SLX4IP: variants seen among roughly 807,000 people sequenced by gnomAD.
SLX4IP encodes the protein SLX4 interacting protein.
A neutral mutation model predicts 32.9 loss-of-function variants in SLX4IP; 34 were observed. The ratio of observed to expected loss-of-function variants is 1.03; its 90% CI spans 0.79 to 1.38. SLX4IP has a LOEUF of 1.38. SLX4IP is among the 40% of genes most tolerant of loss of function. SLX4IP has a pLI of 0.00. For synonymous variants in SLX4IP, 172 were observed against 171.7 expected, an observed-to-expected ratio of 1.00 and a Z score of -0.01; for missense variants, 444 against 479.0, an observed-to-expected ratio of 0.93 and a Z score of 0.68.
At chr20:10,465,588 CT>C (rs1272212137) in intron 2 of SLX4IP, among the ~76,000 whole-genome samples, 5 of 152,204 alleles carry the variant, frequency 3.3e-5, no homozygotes, top group African/African-American at 1.2e-4. Flanking sequence ...TCACTGCAAC[CT>C]CTGCCTCCCA....
intron 1 of SLX4IP, among the ~76,000 whole-genome samples, chr20:10,454,769 G>A (rs1253861324): frequency 1.3e-5 from 2 of 151,954 alleles, no homozygotes; most frequent in Non-Finnish European, 2.9e-5. Flanking sequence ...TATATCCTTA[G>A]GAATGGAAAT....
intron 4 of SLX4IP, among the ~76,000 whole-genome samples, chr20:10,595,608 T>C (rs2066760773): frequency 6.6e-6 from 1 of 152,232 alleles, no homozygotes; most frequent in South Asian, 2.1e-4. Context: ...CTCTGTGAAG[T>C]TGATTTCATT....
In SLX4IP at chr20:10,623,229, G is replaced by A. The variant is rs747079607; in HGVS notation, c.1077G>A (p.Leu359=). The change falls in exon 8 of 8, where the codon TTG becomes TTA. Residue 359 remains leucine (L), a synonymous_variant. Coordinates refer to ENST00000334534, the MANE Select transcript of SLX4IP (RefSeq NM_001009608.3). ...CAAAAACCACGTCTAAGGAAGAGTT[G>A]CATGTTTTGGAAAGTCTCTCCTCCA... ...DLAKTTSKEE[L]HVLESLSSRH... is the part of the protein sequence containing the mutation. 4.3e-6 allele frequency: 7 copies of A among 1,614,222 alleles called. No individual in the cohort carries two copies. Among genetic ancestry groups the A allele is most frequent in the Non-Finnish European group, 5.9e-6 (7 of 1,180,040 alleles).
intron 1 of SLX4IP, among the ~76,000 whole-genome samples, chr20:10,440,420 G>A (rs892726817): frequency 9.9e-5 from 15 of 151,834 alleles, no homozygotes; most frequent in African/African-American, 3.1e-4. Flanking sequence ...GTGCAACTGC[G>A]CTTTAGCCTG....
intron 4 of SLX4IP, among the ~76,000 whole-genome samples, chr20:10,580,418 CTGCTTGAATGTTTCCCATCCT>C: frequency 6.6e-6 from 1 of 151,748 alleles, no homozygotes; most frequent in African/African-American, 2.4e-5. Flanking sequence ...CTTTAATCCT[CTGCTTGAATGTTTCCCATCCT>C]TGAGGATCTC....
At chr20:10,527,718 TATC>T (rs2065951390) in intron 2 of SLX4IP, among the ~76,000 whole-genome samples, 1 of 134,412 alleles carries the variant, frequency 7.4e-6, no homozygotes, top group Non-Finnish European at 1.7e-5. Flanking sequence ...AATCCAAAAT[TATC>T]ATCTCTGTTA....
intron 2 of SLX4IP, among the ~76,000 whole-genome samples, chr20:10,553,315 A>G (rs1355086690): frequency 6.7e-6 from 1 of 149,344 alleles, no homozygotes; most frequent in Non-Finnish European, 1.5e-5. Context: ...ACAAGACCCA[A>G]TGCCTTAATA....
intron 2 of SLX4IP, among the ~76,000 whole-genome samples, chr20:10,466,878 A>G (rs968168582): frequency 2.2e-4 from 33 of 151,674 alleles, no homozygotes; most frequent in Non-Finnish European, 4.4e-4. Context: ...AACTCCCTGC[A>G]TCTTTACTAT....
At chr20:10,532,258 C>A (rs1053503298) in intron 2 of SLX4IP, among the ~76,000 whole-genome samples, 4 of 152,082 alleles carry the variant, frequency 2.6e-5, no homozygotes, top group Non-Finnish European at 5.9e-5. Flanking sequence ...ACCAAGAAAT[C>A]ATAAGTATGG....
chr20:10,549,765 C>T (rs1032778719), intron 2 of SLX4IP, among the ~76,000 whole-genome samples: 2 of 152,190 alleles, frequency 1.3e-5, no homozygotes, highest in Non-Finnish European at 2.9e-5. Context: ...TCATTGTGCT[C>T]CTTCACCAGA....
At chr20:10,445,637 T>G (rs2065196106) in intron 1 of SLX4IP, among the ~76,000 whole-genome samples, 1 of 150,330 alleles carries the variant, frequency 6.7e-6, no homozygotes, top group Non-Finnish European at 1.5e-5. Context: ...CTTTTTTTTT[T>G]TTTTTGAGAT....
intron 6 of SLX4IP, among the ~76,000 whole-genome samples, chr20:10,614,801 C>A (rs1403215361): frequency 6.6e-6 from 1 of 152,140 alleles, no homozygotes; most frequent in African/African-American, 2.4e-5. Flanking sequence ...TCTGTTCTCC[C>A]TTACTGCAAA....
chr20:10,579,044 G>A (rs949186166), intron 4 of SLX4IP, among the ~76,000 whole-genome samples: 1 of 151,744 alleles, frequency 6.6e-6, no homozygotes, highest in East Asian at 1.9e-4. Flanking sequence ...CTTGATGGTG[G>A]CCTTTGATAC....
At chr20:10,436,444 C>A (rs376257024) in intron 1 of SLX4IP, among the ~76,000 whole-genome samples, 87 of 152,124 alleles carry the variant, frequency 5.7e-4, no homozygotes, top group South Asian at 2.3e-3. Context: ...GCCATCTCCG[C>A]CCCCCGGGTT....
At chr20:10,516,425 T>G (rs888521873) in intron 2 of SLX4IP, among the ~76,000 whole-genome samples, 2 of 152,156 alleles carry the variant, frequency 1.3e-5, no homozygotes, top group African/African-American at 4.8e-5. Context: ...GAGGTATGAT[T>G]CTAAGGTAAT....
chr20:10,464,013 A>G (rs1051198665), intron 2 of SLX4IP, among the ~76,000 whole-genome samples: 2 of 152,222 alleles, frequency 1.3e-5, no homozygotes, highest in African/African-American at 4.8e-5. Flanking sequence ...CATTTTCCAC[A>G]TAAAGTATAT....
intron 2 of SLX4IP, among the ~76,000 whole-genome samples, chr20:10,517,135 C>T (rs1160040991): frequency 6.6e-6 from 1 of 152,212 alleles, no homozygotes; most frequent in Non-Finnish European, 1.5e-5. Context: ...TTGTTCTAAA[C>T]TGATCATTTC....
chr20:10,622,595 G>A (rs771811899), intron 7 of SLX4IP, 64 bp from the exon 8 acceptor site: 5 of 1,524,544 alleles, frequency 3.3e-6, no homozygotes, highest in Non-Finnish European at 4.4e-6. Context: ...GTGGTAGAGG[G>A]AATCTGGAGG....
At chr20:10,547,001 G>C (rs563929357) in intron 2 of SLX4IP, among the ~76,000 whole-genome samples, 1 of 152,190 alleles carries the variant, frequency 6.6e-6, no homozygotes, top group Non-Finnish European at 1.5e-5. Context: ...CTACCCCAGG[G>C]TCCCAGGGGC....
Sources: allele counts gnomAD v4.1 joint callset (sites outside exome capture counted in the v4.1 genomes callset), GRCh38; gene constraint gnomAD v4.1.1; transcripts MANE v1.5; gene names NCBI Gene and HGNC (gene_info 2026-07-23, HGNC 2026-07-21).